The following CSMD1 variants were observed in gnomAD, a reference collection of about 807,000 sequenced individuals.
CSMD1 encodes CUB and Sushi multiple domains 1.
In CSMD1, 213 loss-of-function variants were observed where a neutral mutation model predicts 417.5. The ratio of observed to expected loss-of-function variants is 0.51; its 90% CI spans 0.46 to 0.57. CSMD1 has a LOEUF of 0.57. Among genes scored for constraint, CSMD1 ranks in the 20% least tolerant of loss-of-function variants. CSMD1 has a pLI of 0.00. For missense variants in CSMD1, 6,923 were observed against 4,529.7 expected, an observed-to-expected ratio of 1.53 and a Z score of -15.17; for synonymous variants, 2,862 against 1,736.8, an observed-to-expected ratio of 1.65 and a Z score of -16.11.
intron 2 of CSMD1, among the ~76,000 whole-genome samples, chr8:4,577,992 CG>C (rs2130683890): frequency 6.6e-6 from 1 of 152,212 alleles, no homozygotes; most frequent in Non-Finnish European, 1.5e-5. Flanking sequence ...TTTGGACTTT[CG>C]GGGATCACAT....
In CSMD1 at chr8:3,791,737, C is replaced by A. The variant is rs147729059; in HGVS notation, c.819-37695G>T. Among the ~76,000 whole-genome samples, 10 of 152,204 alleles carry A rather than the reference C, an allele frequency of 6.6e-5. No individual in the cohort carries two copies. In the East Asian group the frequency reaches 1.9e-3, roughly 29 times the overall value. ...ACTCAGGAGGCTGAAGCAAGAGAAT[C>A]GCTTGAGCCTGGGAGGTGGAAGTTG... is the stretch of plus-strand genomic sequence containing the variant. On this transcript the variant is annotated intron_variant, in intron 5 of 69. Coordinates refer to ENST00000635120, the MANE Select transcript of CSMD1 (RefSeq NM_033225.6).
rs540268570 is a variant in CSMD1 at position 4,282,491 on chromosome 8, C to T, written c.415+137462G>A. Among the ~76,000 whole-genome samples, 4 of 152,244 alleles carry T rather than the reference C, an allele frequency of 2.6e-5. No homozygotes were observed. In the East Asian group the frequency reaches 7.7e-4, roughly 29 times the overall value. ...TTTTTGCTTATTTAATTTAGTATGA[C>T]ATCGTTATCTCCCTCTAAGCTTTGC... On this transcript the variant is annotated intron_variant, in intron 3 of 69. Transcript: ENST00000635120.
intron 3 of CSMD1, among the ~76,000 whole-genome samples, chr8:4,223,119 G>C (rs1257962601): frequency 6.9e-6 from 1 of 144,296 alleles, no homozygotes; most frequent in Non-Finnish European, 1.5e-5. Flanking sequence ...GTAGTAGCAA[G>C]TGGCTCAGTA....
At chr8:4,301,351 G>T (rs1797971639) in intron 3 of CSMD1, among the ~76,000 whole-genome samples, 1 of 152,116 alleles carries the variant, frequency 6.6e-6, no homozygotes, top group Non-Finnish European at 1.5e-5. Flanking sequence ...CTTTTGCTTT[G>T]ACTGTACCAC....
intron 5 of CSMD1, among the ~76,000 whole-genome samples, chr8:3,790,738 C>T (rs574206189): frequency 1.3e-5 from 2 of 152,270 alleles, no homozygotes; most frequent in East Asian, 3.9e-4. Context: ...TTCTCCATTT[C>T]AAAGATAACG....
chr8:3,635,732 C>G (rs906150094), intron 7 of CSMD1, among the ~76,000 whole-genome samples: 2 of 148,564 alleles, frequency 1.3e-5, no homozygotes, highest in African/African-American at 5.0e-5. Flanking sequence ...ATCTGCCCGC[C>G]TCGGCCTCCC....
At chr8:4,926,067 A>T (rs930148906) in intron 1 of CSMD1, among the ~76,000 whole-genome samples, 1 of 152,240 alleles carries the variant, frequency 6.6e-6, no homozygotes, top group African/African-American at 2.4e-5. Context: ...TACACATTTT[A>T]AAAGTGGACT....
At chr8:4,654,793 T>C (rs1269902187) in intron 1 of CSMD1, among the ~76,000 whole-genome samples, 1 of 152,030 alleles carries the variant, frequency 6.6e-6, no homozygotes, top group African/African-American at 2.4e-5. Flanking sequence ...GGCAGACAAC[T>C]TTGGAAAGTC....
chr8:3,512,352 C>T (rs997088106), intron 10 of CSMD1, among the ~76,000 whole-genome samples: 1 of 152,186 alleles, frequency 6.6e-6, no homozygotes, highest in Non-Finnish European at 1.5e-5. Flanking sequence ...TCCCCTAATA[C>T]AGACTTCAGC....
intron 1 of CSMD1, among the ~76,000 whole-genome samples, chr8:4,697,593 A>G (rs770665473): frequency 2.6e-5 from 4 of 152,284 alleles, no homozygotes; most frequent in African/African-American, 9.6e-5. Context: ...TATTGACTAG[A>G]GTTCAGTCAA....
chr8:3,460,307 G>C (rs895345816), intron 12 of CSMD1, among the ~76,000 whole-genome samples: 2 of 152,112 alleles, frequency 1.3e-5, no homozygotes, highest in African/African-American at 2.4e-5. Flanking sequence ...AAAAAAGGAA[G>C]ATTTGAAGAT....
intron 1 of CSMD1, among the ~76,000 whole-genome samples, chr8:4,976,054 G>C (rs941256846): frequency 2.6e-5 from 4 of 152,156 alleles, no homozygotes; most frequent in African/African-American, 9.7e-5. Flanking sequence ...AATTTCTTAA[G>C]CATAAGTGTC....
rs546000644 is a variant in CSMD1 at position 3,954,676 on chromosome 8, G to A, written c.818+43227C>T. ...CGCACCTGGCCGGATCCCAGGACTT[G>A]TATAGACTCCCCTCTTTCCCATGAT... On this transcript the variant is annotated intron_variant, in intron 5 of 69. Transcript: ENST00000635120. Among the ~76,000 whole-genome samples the A allele has an allele frequency of 3.3e-5, 5 of 152,312 alleles. No individual in the cohort carries two copies. In the South Asian group the frequency reaches 1.0e-3, roughly 32 times the overall value.
intron 41 of CSMD1, among the ~76,000 whole-genome samples, chr8:3,129,408 G>A (rs926625604): frequency 6.6e-6 from 1 of 152,112 alleles, no homozygotes; most frequent in Non-Finnish European, 1.5e-5. Flanking sequence ...TGAAATAATT[G>A]GTAGCTTTTG....
At chr8:4,694,477 A>C (rs1451684059) in intron 1 of CSMD1, among the ~76,000 whole-genome samples, 1 of 151,864 alleles carries the variant, frequency 6.6e-6, no homozygotes. Context: ...TCAGCCTTCC[A>C]AGTAGCTGGG....
intron 5 of CSMD1, among the ~76,000 whole-genome samples, chr8:3,892,934 T>C (rs988036785): frequency 2.0e-5 from 3 of 149,384 alleles, no homozygotes; most frequent in African/African-American, 7.3e-5. Context: ...TGAAATTAAC[T>C]TGAAGGAAGT....
chr8:4,123,244 T>C (rs148207582), intron 3 of CSMD1, among the ~76,000 whole-genome samples: 22 of 152,208 alleles, frequency 1.4e-4, no homozygotes, highest in South Asian at 6.2e-4. Flanking sequence ...CAGAAACATG[T>C]AGTAAATGAT....
At chr8:3,373,406 G>C (rs1810100263) in intron 18 of CSMD1, 1 of 152,154 alleles carries the variant, frequency 6.6e-6, no homozygotes. Flanking sequence ...AGATTTATAT[G>C]GGTGCAAACA....
intron 5 of CSMD1, among the ~76,000 whole-genome samples, chr8:3,847,018 G>T (rs1414024430): frequency 6.6e-6 from 1 of 152,242 alleles, no homozygotes; most frequent in East Asian, 1.9e-4. Context: ...ATCCACAGCA[G>T]ATCAGATGAT....
Sources: allele counts gnomAD v4.1 joint callset (sites outside exome capture counted in the v4.1 genomes callset), GRCh38; gene constraint gnomAD v4.1.1; transcripts MANE v1.5; gene names NCBI Gene and HGNC (gene_info 2026-07-23, HGNC 2026-07-21).